Variants in DNAH3 observed in about 807,000 individuals in gnomAD.
DNAH3 encodes the protein dynein axonemal heavy chain 3.
A neutral mutation model predicts 432.5 loss-of-function variants in DNAH3; 332 were observed. The ratio of observed to expected loss-of-function variants is 0.77; its 90% CI spans 0.70 to 0.84. DNAH3 has a LOEUF of 0.84. Ranked by LOEUF, DNAH3 falls within the 40% of genes least tolerant of loss-of-function variation. DNAH3 has a pLI of 0.00. For missense variants in DNAH3, 4,861 were observed against 5,114.0 expected (o/e 0.95, Z 1.51); for synonymous variants, 1,956 against 1,900.2 (o/e 1.03, Z -0.76).
In DNAH3 at chr16:20,957,731, C is replaced by T. The variant is rs548305672; in HGVS notation, c.10826+1448G>A. On this transcript the variant is annotated intron_variant, in intron 54 of 61. Transcript: ENST00000261383. The stretch of plus-strand genomic sequence containing the variant: ...CCGAGGCAGGAGAATCGCTTGAACC[C>T]GGGAGGCAGAGGTCACAGTGAGTGG... 3.7e-3 allele frequency among the ~76,000 whole-genome samples: 530 copies of T among 144,716 alleles called. 2 individuals are homozygous for T. Among genetic ancestry groups the T allele is most frequent in the Middle Eastern group, 0.018 (5 of 284 alleles). 94.9% of individuals were successfully genotyped at this position (144,716 alleles called of 152,430 possible). A position where few individuals can be genotyped will look rare whatever the true frequency, so the allele number is the denominator to read the frequency against.
intron 1 of DNAH3, among the ~76,000 whole-genome samples, chr16:21,147,662 T>A (rs902493654): frequency 1.3e-5 from 2 of 152,210 alleles, no homozygotes; most frequent in East Asian, 3.9e-4. Flanking sequence ...ATGTGGGTGT[T>A]GAGTACTCCA....
intron 48 of DNAH3, among the ~76,000 whole-genome samples, chr16:20,984,016 G>A (rs1267539514): frequency 1.6e-5 from 2 of 122,058 alleles, no homozygotes; most frequent in African/African-American, 6.8e-5. Context: ...GACAGAGCAA[G>A]ACCCTATATC....
chr16:21,060,514 CT>C lies in DNAH3; in HGVS notation c.3721-159del, dbSNP rs369321873. Among the ~76,000 whole-genome samples the C allele has an allele frequency of 4.3e-3, 543 of 127,242 alleles. 12 individuals are homozygous for C. In the South Asian group the frequency reaches 0.049, roughly 11 times the overall value. The allele number at this position is 127,242 out of a possible 152,430, so 83.5% of individuals were successfully genotyped here. A position where few individuals can be genotyped will look rare whatever the true frequency, so the allele number is the denominator to read the frequency against. On this transcript the variant is annotated intron_variant, in intron 25 of 61. Coordinates refer to ENST00000261383, the Ensembl canonical transcript of DNAH3. Reference sequence around the variant, plus strand: ...TTCTCTGTCTCCCCGTTCTTTTTTTCTTTTTTTTTTTCTTTTTTTTTTTTTT... The same window carrying C: ...TTCTCTGTCTCCCCGTTCTTTTTTTCTTTTTTTTTTCTTTTTTTTTTTTTT...
chr16:21,055,745 ATT>A (rs775755456), intron 27 of DNAH3, among the ~76,000 whole-genome samples: 11 of 134,208 alleles, frequency 8.2e-5, no homozygotes, highest in East Asian at 4.3e-4. Flanking sequence ...TCAAATGCAG[ATT>A]TTTTTTTTTT....
At chr16:21,016,189 C>T (rs1490476218) in intron 41 of DNAH3, among the ~76,000 whole-genome samples, 2 of 151,838 alleles carry the variant, frequency 1.3e-5, no homozygotes, top group East Asian at 1.9e-4. Flanking sequence ...AAAATGTTAC[C>T]GATCTCTTGA....
intron 43 of DNAH3, among the ~76,000 whole-genome samples, chr16:20,998,861 T>C (rs2086888610): frequency 6.6e-6 from 1 of 151,896 alleles, no homozygotes; most frequent in Non-Finnish European, 1.5e-5. Context: ...TTATCTCATA[T>C]AATCCGATAA....
exon 48 of DNAH3, chr16:20,985,485 G>T (rs1441709060): frequency 6.2e-7 from 1 of 1,614,202 alleles, no homozygotes; most frequent in South Asian, 1.1e-5. Context: ...GGACACGGCA[G>T]ATCCTAGAGA....
chr16:21,014,285 A>G (rs1292018254), intron 41 of DNAH3, among the ~76,000 whole-genome samples: 3 of 152,232 alleles, frequency 2.0e-5, no homozygotes, highest in East Asian at 3.8e-4. Flanking sequence ...TCCAAGGTAT[A>G]TAAGTCTGGC....
exon 32 of DNAH3, chr16:21,042,108 G>A: frequency 6.2e-7 from 1 of 1,613,908 alleles, no homozygotes. Context: ...GGTTCAGAGA[G>A]AGCTCAGTCC....
At chr16:20,949,263 C>CAAAAAAAAAA (rs34267850) in intron 56 of DNAH3, among the ~76,000 whole-genome samples, 1 of 66,028 alleles carries the variant, frequency 1.5e-5, no homozygotes, top group East Asian at 4.4e-4. Context: ...GAGACTGTCT[C>CAAAAAAAAAA]AAAAAAAAAA....
intron 20 of DNAH3, among the ~76,000 whole-genome samples, chr16:21,076,739 T>C (rs1037273258): frequency 6.6e-6 from 1 of 152,174 alleles, no homozygotes; most frequent in East Asian, 1.9e-4. Flanking sequence ...TGTTTCCTTA[T>C]AAAACTTACC....
At chr16:20,967,651 C>A (rs2085125106) in intron 52 of DNAH3, among the ~76,000 whole-genome samples, 1 of 151,752 alleles carries the variant, frequency 6.6e-6, no homozygotes. Flanking sequence ...TAGGCACACA[C>A]CACTATGCCC....
rs1467284192 is a variant in DNAH3 at position 20,987,902 on chromosome 16, C to A, written c.6725+40G>T. ...TCAAGGAGGGGCCAGAAACTGAGAA[C>A]CCCCAGCCCACTATCCAGGAAGACA... On this transcript the variant is annotated intron_variant, in intron 45 of 61. Coordinates refer to ENST00000261383, the Ensembl canonical transcript of DNAH3. 7 of 1,613,958 alleles carry A rather than the reference C, an allele frequency of 4.3e-6. No individual in the cohort carries two copies. The South Asian group carries it at 5.5e-5, about 13-fold the overall frequency.
At position 21,034,105 on chromosome 16, in the gene DNAH3, A is replaced by C; in HGVS notation, c.5086-20T>G. The C allele has an allele frequency of 6.5e-7, 1 of 1,540,426 alleles. No individual in the cohort carries two copies. The highest frequency in any genetic ancestry group is 1.1e-5 in the South Asian group (1 of 89,016). The stretch of plus-strand genomic sequence containing the variant: ...GTAGATCTGGGAGGAGACATCATTC[A>C]TAAAAGAAGCTAATCATTGCAACGC... On this transcript the variant is annotated intron_variant, in intron 35 of 61. Coordinates refer to ENST00000261383, the Ensembl canonical transcript of DNAH3.
chr16:21,083,711 C>CCT (rs397963633), intron 19 of DNAH3, among the ~76,000 whole-genome samples: 2 of 152,124 alleles, frequency 1.3e-5, no homozygotes, highest in Non-Finnish European at 2.9e-5. Flanking sequence ...TCAGATCCCC[C>CCT]TGCCAGAGCT....
At chr16:21,054,505 A>G in exon 28 of DNAH3, 1 of 1,614,088 alleles carries the variant, frequency 6.2e-7, no homozygotes, top group Non-Finnish European at 8.5e-7. Flanking sequence ...CAATCTGCGC[A>G]ATCTGATCAT....
At chr16:21,078,202 G>T (rs1410642829) in intron 20 of DNAH3, among the ~76,000 whole-genome samples, 1 of 149,950 alleles carries the variant, frequency 6.7e-6, no homozygotes, top group Non-Finnish European at 1.5e-5. Flanking sequence ...TTGAACCCGG[G>T]AGGTGAAGGT....
intron 54 of DNAH3, among the ~76,000 whole-genome samples, chr16:20,956,182 C>T (rs555479755): frequency 2.6e-5 from 4 of 152,118 alleles, no homozygotes; most frequent in Non-Finnish European, 5.9e-5. Flanking sequence ...CCCACCTCGG[C>T]CCCCCAAAGT....
chr16:21,049,547 T>C, intron 31 of DNAH3, 22 bp downstream of exon 31: 1 of 1,605,682 alleles, frequency 6.2e-7, no homozygotes, highest in Non-Finnish European at 8.5e-7. Flanking sequence ...TTCTTTGTTC[T>C]GCAGCCTAGA....
Sources: allele counts gnomAD v4.1 joint callset (sites outside exome capture counted in the v4.1 genomes callset), GRCh38; gene constraint gnomAD v4.1.1; transcripts MANE v1.5; gene names NCBI Gene and HGNC (gene_info 2026-07-23, HGNC 2026-07-21).